UVRAG: variants seen among roughly 807,000 people sequenced by gnomAD.
The protein encoded by UVRAG is UV radiation resistance associated, also known as UV radiation resistance-associated gene protein.
UVRAG carries 19 observed loss-of-function variants against 78.0 expected under a neutral mutation model. That is an observed-to-expected ratio of 0.24 (90% CI 0.17 to 0.36). The LOEUF (loss-of-function observed/expected upper bound fraction) is 0.36, where lower values mean the gene tolerates loss of function less well. Among genes scored for constraint, UVRAG ranks in the 10% least tolerant of loss-of-function variants. UVRAG has a pLI of 1.00. For synonymous variants in UVRAG, 323 were observed against 324.6 expected (o/e 1.00, Z 0.05); for missense variants, 740 against 853.8 (o/e 0.87, Z 1.66).
intron 8 of UVRAG, among the ~76,000 whole-genome samples, chr11:75,995,061 A>T (rs1444043164): frequency 6.6e-6 from 1 of 152,212 alleles, no homozygotes; most frequent in East Asian, 1.9e-4. Context: ...TGGTTATCTC[A>T]GAAAGGTAGG....
At chr11:75,975,412 G>A (rs1419324103) in intron 7 of UVRAG, among the ~76,000 whole-genome samples, 1 of 152,134 alleles carries the variant, frequency 6.6e-6, no homozygotes, top group Non-Finnish European at 1.5e-5. Flanking sequence ...GAAAGTCATT[G>A]GTAGCTTGAT....
intron 11 of UVRAG, among the ~76,000 whole-genome samples, chr11:76,012,516 T>A (rs1461615119): frequency 6.6e-6 from 1 of 152,114 alleles, no homozygotes; most frequent in African/African-American, 2.4e-5. Context: ...TTTTTAGTAT[T>A]CTATAGCAGC....
chr11:76,091,312 C>G (rs576971196), intron 13 of UVRAG, among the ~76,000 whole-genome samples: 1 of 152,104 alleles, frequency 6.6e-6, no homozygotes, highest in African/African-American at 2.4e-5. Context: ...TTTGTAGGAA[C>G]TGTATTTGTG....
chr11:76,036,243 A>G lies in UVRAG; in HGVS notation c.1226+19263A>G, dbSNP rs567183869. ...TTTATCCTCTCAACTAGCCAATGAA[A>G]TGAAAGGTTAAAACGTTAAATTAGG... is the stretch of plus-strand genomic sequence containing the variant. On this transcript the variant is annotated intron_variant, in intron 12 of 14. Transcript: ENST00000356136. 3.2e-3 allele frequency among the ~76,000 whole-genome samples: 480 copies of G among 152,308 alleles called. 1 individual carries two copies. Among genetic ancestry groups the G allele is most frequent in the Non-Finnish European group, 5.1e-3 (344 of 68,014 alleles).
intron 8 of UVRAG, among the ~76,000 whole-genome samples, chr11:75,995,153 G>T (rs1338062827): frequency 2.7e-5 from 4 of 150,612 alleles, no homozygotes; most frequent in African/African-American, 7.3e-5. Flanking sequence ...TAATGCTGAT[G>T]ATATATTTTC....
intron 6 of UVRAG, among the ~76,000 whole-genome samples, chr11:75,939,183 C>T (rs1293789924): frequency 6.6e-6 from 1 of 152,034 alleles, no homozygotes; most frequent in Non-Finnish European, 1.5e-5. Context: ...TGGTTCTTAA[C>T]ATTTTGATGT....
At chr11:75,976,941 G>A (rs1949257310) in intron 7 of UVRAG, among the ~76,000 whole-genome samples, 1 of 152,080 alleles carries the variant, frequency 6.6e-6, no homozygotes, top group Admixed American at 6.5e-5. Flanking sequence ...TGCTTCTCCA[G>A]TTCTTTTAAT....
intron 13 of UVRAG, among the ~76,000 whole-genome samples, chr11:76,087,912 T>C (rs530065627): frequency 6.8e-4 from 103 of 152,336 alleles, no homozygotes; most frequent in African/African-American, 2.4e-3. Flanking sequence ...TCTCACTCTG[T>C]TGCTCAGACT....
chr11:75,827,774 A>G (rs1417102688), intron 1 of UVRAG, among the ~76,000 whole-genome samples: 1 of 152,204 alleles, frequency 6.6e-6, no homozygotes, highest in Non-Finnish European at 1.5e-5. Context: ...TACATCTTTC[A>G]GGGGATATGA....
At chr11:75,940,795 T>C (rs1053672071) in intron 6 of UVRAG, among the ~76,000 whole-genome samples, 8 of 152,148 alleles carry the variant, frequency 5.3e-5, no homozygotes, top group African/African-American at 1.9e-4. Context: ...GCACGGGACT[T>C]TTGGTTAATG....
At chr11:75,864,129 C>T (rs1261743952) in intron 3 of UVRAG, among the ~76,000 whole-genome samples, 1 of 150,792 alleles carries the variant, frequency 6.6e-6, no homozygotes, top group Non-Finnish European at 1.5e-5. Context: ...GATCTCAGCT[C>T]ACTGCAACCT....
chr11:76,143,825 T>A lies in UVRAG; in HGVS notation c.*2412T>A, dbSNP rs899502160. 6.6e-6 allele frequency among the ~76,000 whole-genome samples: 1 copy of A among 152,214 alleles called. No homozygotes were observed. Among genetic ancestry groups the A allele is most frequent in the Non-Finnish European group, 1.5e-5 (1 of 68,040 alleles). Reference sequence around the variant, plus strand: ...CCTACTAACCTTTTAGTTTTGTAAATCACTAAGAAAATTGTTTGCTTGGAA... The same window carrying A: ...CCTACTAACCTTTTAGTTTTGTAAAACACTAAGAAAATTGTTTGCTTGGAA... On this transcript the variant is annotated 3_prime_UTR_variant, in exon 15 of 15. Transcript: ENST00000356136.
chr11:75,890,390 G>A (rs1947189700), intron 5 of UVRAG, among the ~76,000 whole-genome samples: 1 of 152,178 alleles, frequency 6.6e-6, no homozygotes, highest in Non-Finnish European at 1.5e-5. Context: ...ATTTAAGAAA[G>A]TTTTAGTAGA....
intron 14 of UVRAG, among the ~76,000 whole-genome samples, chr11:76,129,290 A>G (rs1952471441): frequency 6.6e-6 from 1 of 152,232 alleles, no homozygotes; most frequent in Non-Finnish European, 1.5e-5. Flanking sequence ...GGGATCATTT[A>G]GCATCTGGTG....
At chr11:75,888,089 T>G (rs1390261044) in intron 4 of UVRAG, among the ~76,000 whole-genome samples, 2 of 152,206 alleles carry the variant, frequency 1.3e-5, no homozygotes, top group Non-Finnish European at 2.9e-5. Context: ...AAATTGCCTT[T>G]TTGAAAATAG....
intron 3 of UVRAG, among the ~76,000 whole-genome samples, chr11:75,872,529 A>C (rs1396289356): frequency 1.3e-5 from 2 of 151,816 alleles, no homozygotes; most frequent in African/African-American, 4.8e-5. Flanking sequence ...GCTGAGATAC[A>C]GGCGCGCCCC....
intron 13 of UVRAG, among the ~76,000 whole-genome samples, chr11:76,067,239 C>T (rs895757040): frequency 1.3e-5 from 2 of 152,196 alleles, no homozygotes; most frequent in African/African-American, 2.4e-5. Flanking sequence ...TACTTCCACT[C>T]CAGCTCCAGG....
intron 8 of UVRAG, among the ~76,000 whole-genome samples, chr11:76,001,433 C>T (rs779955335): frequency 1.3e-5 from 2 of 151,642 alleles, no homozygotes; most frequent in East Asian, 1.9e-4. Context: ...CAAGTCAAAT[C>T]GAAGGAAGGA....
intron 6 of UVRAG, among the ~76,000 whole-genome samples, chr11:75,938,869 C>T (rs561943077): frequency 3.9e-5 from 6 of 152,136 alleles, no homozygotes; most frequent in African/African-American, 1.2e-4. Context: ...TGAGAACTCT[C>T]GCACTCATGG....
Sources: allele counts gnomAD v4.1 joint callset (sites outside exome capture counted in the v4.1 genomes callset), GRCh38; gene constraint gnomAD v4.1.1; transcripts MANE v1.5; gene names NCBI Gene and HGNC (gene_info 2026-07-23, HGNC 2026-07-21).